Variants in NKAIN2 observed in about 807,000 individuals in gnomAD.
The protein encoded by NKAIN2 is sodium/potassium-transporting ATPase subunit beta-1-interacting protein 2.
NKAIN2 carries 14 observed loss-of-function variants against 32.6 expected under a neutral mutation model. The observed-to-expected ratio is 0.43, with a 90% confidence interval of 0.28 to 0.67. The LOEUF (loss-of-function observed/expected upper bound fraction) is 0.67, where lower values mean the gene tolerates loss of function less well. Ranked by LOEUF, NKAIN2 falls within the 30% of genes least tolerant of loss-of-function variation. NKAIN2 has a pLI of 0.17. For synonymous variants in NKAIN2, 80 were observed against 87.2 expected (o/e 0.92, Z 0.46); for missense variants, 198 against 258.3 (o/e 0.77, Z 1.60).
chr6:123,977,750 A>T (rs1287095966), intron 1 of NKAIN2, among the ~76,000 whole-genome samples: 6 of 152,186 alleles, frequency 3.9e-5, no homozygotes. Flanking sequence ...GCTTATGCAG[A>T]TATTTTTCAT....
At chr6:124,587,824 C>T (rs2114954552) in intron 3 of NKAIN2, among the ~76,000 whole-genome samples, 1 of 152,266 alleles carries the variant, frequency 6.6e-6, no homozygotes, top group East Asian at 1.9e-4. Flanking sequence ...TAAATCTCTC[C>T]TTGTAGAAAA....
intron 1 of NKAIN2, among the ~76,000 whole-genome samples, chr6:124,218,893 T>G (rs1006464408): frequency 6.6e-6 from 1 of 152,166 alleles, no homozygotes; most frequent in South Asian, 2.1e-4. Context: ...GGAAAGAGGT[T>G]TAATTGACTC....
chr6:123,913,566 C>A (rs1170825865), intron 1 of NKAIN2, among the ~76,000 whole-genome samples: 3 of 152,054 alleles, frequency 2.0e-5, no homozygotes, highest in Non-Finnish European at 4.4e-5. Flanking sequence ...AGGCAACTGC[C>A]CTTTGGTATT....
intron 3 of NKAIN2, among the ~76,000 whole-genome samples, chr6:124,456,594 AC>A (rs1339031519): frequency 4.6e-5 from 7 of 151,918 alleles, no homozygotes; most frequent in African/African-American, 1.7e-4. Flanking sequence ...GCATATGGTT[AC>A]TGGCCATTTC....
chr6:124,383,018 C>G (rs1470846452), intron 3 of NKAIN2, among the ~76,000 whole-genome samples: 1 of 152,076 alleles, frequency 6.6e-6, no homozygotes, highest in Non-Finnish European at 1.5e-5. Flanking sequence ...CTTTTCAAAT[C>G]AGGAAAGCAA....
chr6:124,486,917 G>T (rs1777675199), intron 3 of NKAIN2, among the ~76,000 whole-genome samples: 1 of 151,954 alleles, frequency 6.6e-6, no homozygotes, highest in African/African-American at 2.4e-5. Context: ...TAAGACAGTG[G>T]TTTAAATGCA....
chr6:124,071,454 C>T lies in NKAIN2; in HGVS notation c.55-211551C>T, dbSNP rs7767270. On this transcript the variant is annotated intron_variant, in intron 1 of 6. Coordinates refer to ENST00000368417, the MANE Select transcript of NKAIN2 (RefSeq NM_001040214.3). ...ACTAAGTCCTCAAAAGCAATTGCAACAAAAACAAAAATTGACAAGTGGGAC... is the reference window on the plus strand; with the variant it reads ...ACTAAGTCCTCAAAAGCAATTGCAATAAAAACAAAAATTGACAAGTGGGAC... Among the ~76,000 whole-genome samples, 276 of 152,088 alleles carry T rather than the reference C, an allele frequency of 1.8e-3. 1 individual carries two copies. The highest frequency in any genetic ancestry group is 6.4e-3 in the African/African-American group (265 of 41,506).
At chr6:124,314,601 C>G (rs1474379557) in intron 2 of NKAIN2, among the ~76,000 whole-genome samples, 1 of 152,084 alleles carries the variant, frequency 6.6e-6, no homozygotes, top group Non-Finnish European at 1.5e-5. Context: ...AGAGTTGTGC[C>G]AAATTGAGAC....
At chr6:124,138,071 C>G (rs2114309630) in intron 1 of NKAIN2, among the ~76,000 whole-genome samples, 1 of 152,244 alleles carries the variant, frequency 6.6e-6, no homozygotes, top group Non-Finnish European at 1.5e-5. Flanking sequence ...AGACAACCCA[C>G]AGAGTAGGAG....
At position 124,406,690 on chromosome 6, in the gene NKAIN2, G is replaced by A. The variant is rs534497124; in HGVS notation, c.273+51343G>A. ...TTGCAAAACAGTTGTACCATTTTAC[G>A]TTCTTACAAGTAGCATATGAGAATC... On this transcript the variant is annotated intron_variant, in intron 3 of 6. Coordinates refer to ENST00000368417, the MANE Select transcript of NKAIN2 (RefSeq NM_001040214.3). Among the ~76,000 whole-genome samples, 139 of 152,046 alleles carry A rather than the reference G, an allele frequency of 9.1e-4. 1 individual carries two copies. Among genetic ancestry groups the A allele is most frequent in the Middle Eastern group, 6.8e-3 (2 of 292 alleles).
chr6:124,797,906 T>TA (rs1166976212), intron 5 of NKAIN2, among the ~76,000 whole-genome samples: 2 of 152,030 alleles, frequency 1.3e-5, no homozygotes, highest in Non-Finnish European at 2.9e-5. Context: ...TACAGATAAA[T>TA]AAAAAAAGGA....
chr6:124,047,082 T>C (rs1782174381), intron 1 of NKAIN2, among the ~76,000 whole-genome samples: 1 of 152,056 alleles, frequency 6.6e-6, no homozygotes, highest in Non-Finnish European at 1.5e-5. Flanking sequence ...TCACTATCTG[T>C]ACTGCTTCCA....
chr6:123,984,623 T>C (rs1210963967), intron 1 of NKAIN2, among the ~76,000 whole-genome samples: 2 of 152,204 alleles, frequency 1.3e-5, no homozygotes, highest in Non-Finnish European at 2.9e-5. Context: ...GTGAGCTTTT[T>C]CTCTGTATTA....
intron 1 of NKAIN2, among the ~76,000 whole-genome samples, chr6:123,806,745 C>T (rs1384781270): frequency 6.6e-6 from 1 of 151,966 alleles, no homozygotes; most frequent in Non-Finnish European, 1.5e-5. Context: ...AACATTTGGG[C>T]ATCTTTTTTT....
chr6:124,526,903 T>C (rs759349714), intron 3 of NKAIN2, among the ~76,000 whole-genome samples: 3 of 152,134 alleles, frequency 2.0e-5, no homozygotes, highest in Non-Finnish European at 4.4e-5. Context: ...GCCAAAAAGA[T>C]CTATCTCCAG....
At chr6:124,608,317 A>G (rs910426082) in intron 3 of NKAIN2, among the ~76,000 whole-genome samples, 3 of 152,154 alleles carry the variant, frequency 2.0e-5, no homozygotes, top group Admixed American at 6.5e-5. Flanking sequence ...CATGTTATCA[A>G]TGCAGACCGG....
At chr6:123,878,835 C>G (rs561891519) in intron 1 of NKAIN2, among the ~76,000 whole-genome samples, 2 of 152,098 alleles carry the variant, frequency 1.3e-5, no homozygotes, top group African/African-American at 4.8e-5. Context: ...CAACCTCCCC[C>G]TCCTCCCTGC....
intron 2 of NKAIN2, among the ~76,000 whole-genome samples, chr6:124,351,920 C>T (rs762283623): frequency 8.3e-4 from 126 of 152,200 alleles, no homozygotes; most frequent in Non-Finnish European, 1.6e-3. Flanking sequence ...CGCGCCCGAC[C>T]CTACTGCTTA....
In NKAIN2 at chr6:124,282,927, A is replaced by T. The variant is rs58011048; in HGVS notation, c.55-78A>T. On this transcript the variant is annotated intron_variant, in intron 1 of 6. Coordinates refer to ENST00000368417, the MANE Select transcript of NKAIN2 (RefSeq NM_001040214.3). ...GTTATAAGTGCTAATTATGTTATTA[A>T]TAATTTTATCCTTTTTTCCTCTCAC... 1.3e-3 allele frequency: 1,648 copies of T among 1,253,046 alleles called. 22 individuals are homozygous for T. The African/African-American group carries it at 0.021, about 16-fold the overall frequency. The allele number at this position is 1,253,046 out of a possible 1,614,324, so 77.6% of individuals were successfully genotyped here.
Sources: gnomAD v4.1 joint callset for allele counts (sites outside exome capture counted in the v4.1 genomes callset) on GRCh38, gnomAD v4.1.1 for gene constraint, MANE v1.5 for transcripts, NCBI Gene and HGNC (gene_info 2026-07-23, HGNC 2026-07-21) for gene names.